Variants in TPTE2 observed in about 807,000 individuals in gnomAD.
TPTE2 encodes the protein transmembrane phosphoinositide 3-phosphatase and tensin homolog 2.
A neutral mutation model predicts 78.6 loss-of-function variants in TPTE2; 53 were observed. The ratio of observed to expected loss-of-function variants is 0.67; its 90% CI spans 0.54 to 0.85. The LOEUF is 0.85. Among genes scored for constraint, TPTE2 ranks in the 40% least tolerant of loss-of-function variants. The pLI, the probability that TPTE2 is intolerant of heterozygous loss-of-function variation, is 0.00. For missense variants in TPTE2, 461 were observed against 623.0 expected (o/e 0.74, Z 2.77); for synonymous variants, 175 against 206.2 (o/e 0.85, Z 1.30).
rs1254934382 is a variant in TPTE2 at position 19,453,012 on chromosome 13, GTTATT to G, written c.742-1792_742-1788del. Among the ~76,000 whole-genome samples, 36 of 76,584 alleles carry G rather than the reference GTTATT, an allele frequency of 4.7e-4. 1 individual carries two copies. The South Asian group carries it at 8.0e-3, about 17-fold the overall frequency. 50.2% of individuals were successfully genotyped at this position (76,584 alleles called of 152,430 possible). A position where few individuals can be genotyped will look rare whatever the true frequency, so the allele number is the denominator to read the frequency against. ...TTTATTTTATTTTATTTTATTTTATGTTATTTTATGTTATTTTATTTTATTTTATT... is the reference window on the plus strand; with the variant it reads ...TTTATTTTATTTTATTTTATTTTATGTTATGTTATTTTATTTTATTTTATT... On this transcript the variant is annotated intron_variant, in intron 10 of 19. Transcript: ENST00000400230.
chr13:19,433,980 A>G (rs1876875388), intron 15 of TPTE2, among the ~76,000 whole-genome samples: 1 of 152,208 alleles, frequency 6.6e-6, no homozygotes, highest in Non-Finnish European at 1.5e-5. Context: ...ACCTTTCCCT[A>G]AGGGCTGTAA....
intron 1 of TPTE2, among the ~76,000 whole-genome samples, chr13:19,508,431 G>A (rs1283887280): frequency 6.6e-6 from 1 of 152,024 alleles, no homozygotes; most frequent in Non-Finnish European, 1.5e-5. Context: ...AGGATAAGAG[G>A]ACACAAAGGA....
chr13:19,536,806 G>C (rs948518690), upstream of TPTE2: 4 of 151,462 alleles, frequency 2.6e-5, no homozygotes, highest in Admixed American at 2.6e-4. Context: ...AGGTTTTTTT[G>C]GGGGGGTATG....
intron 10 of TPTE2, among the ~76,000 whole-genome samples, chr13:19,453,764 T>C (rs2137537259): frequency 6.6e-6 from 1 of 152,218 alleles, no homozygotes. Context: ...CAGAATAAAG[T>C]GCATTCAATT....
chr13:19,442,659 C>T (rs1445943218), intron 13 of TPTE2, among the ~76,000 whole-genome samples: 1 of 150,740 alleles, frequency 6.6e-6, no homozygotes, highest in Admixed American at 6.6e-5. Context: ...TTGATAAATC[C>T]CTGGTGAGAC....
chr13:19,506,537 A>G (rs1156853249), upstream of TPTE2, among the ~76,000 whole-genome samples: 2 of 152,040 alleles, frequency 1.3e-5, no homozygotes, highest in South Asian at 2.1e-4. Flanking sequence ...CATCAACTCA[A>G]TTGGCTGTGG....
At chr13:19,488,270 G>A (rs568057570) in intron 3 of TPTE2, among the ~76,000 whole-genome samples, 3 of 152,258 alleles carry the variant, frequency 2.0e-5, no homozygotes, top group African/African-American at 4.8e-5. Flanking sequence ...TAGGATTTTC[G>A]GAATAGTCAA....
chr13:19,427,010 TTA>T (rs1876152598), intron 17 of TPTE2, among the ~76,000 whole-genome samples: 1 of 151,570 alleles, frequency 6.6e-6, no homozygotes, highest in African/African-American at 2.4e-5. Context: ...GGCCTGTTGT[TTA>T]TGTCTTTTAA....
chr13:19,512,572 G>A (rs1275098319), intron 1 of TPTE2, among the ~76,000 whole-genome samples: 1 of 117,266 alleles, frequency 8.5e-6, no homozygotes, highest in Non-Finnish European at 1.7e-5. Context: ...TAGATAATCT[G>A]CACAGGAAAC....
intron 6 of TPTE2, among the ~76,000 whole-genome samples, chr13:19,473,597 C>T (rs1016725910): frequency 5.4e-5 from 7 of 129,132 alleles, no homozygotes; most frequent in Admixed American, 8.4e-5. Context: ...TTTTAAAATG[C>T]TTTTTTTTTT....
the TPTE2 span, among the ~76,000 whole-genome samples, chr13:19,546,163 A>T: frequency 3.3e-5 from 5 of 152,194 alleles, no homozygotes; most frequent in South Asian, 6.2e-4. Flanking sequence ...ACACCACTGC[A>T]CTCCAGCCTG....
chr13:19,442,635 A>G (rs963701109), intron 13 of TPTE2, among the ~76,000 whole-genome samples: 1 of 152,082 alleles, frequency 6.6e-6, no homozygotes, highest in Non-Finnish European at 1.5e-5. Flanking sequence ...GGTTCTTTTA[A>G]AAGACTAGTA....
intron 10 of TPTE2, among the ~76,000 whole-genome samples, chr13:19,459,530 TG>T (rs1566049217): frequency 6.6e-6 from 1 of 152,106 alleles, no homozygotes; most frequent in Non-Finnish European, 1.5e-5. Context: ...TGTGCTGCAT[TG>T]TGGGGGATCC....
intron 15 of TPTE2, among the ~76,000 whole-genome samples, chr13:19,433,510 A>AAAAAC (rs1253390169): frequency 6.6e-6 from 1 of 152,194 alleles, no homozygotes; most frequent in African/African-American, 2.4e-5. Context: ...CTCAAAAATT[A>AAAAAC]AAAACAAAAC....
At chr13:19,477,663 A>C (rs2137599531) in intron 4 of TPTE2, among the ~76,000 whole-genome samples, 1 of 152,342 alleles carries the variant, frequency 6.6e-6, no homozygotes, top group East Asian at 1.9e-4. Context: ...CACCATACAG[A>C]ACCAAGTCTG....
chr13:19,543,503 C>T, the TPTE2 span, among the ~76,000 whole-genome samples: 14 of 151,494 alleles, frequency 9.2e-5, no homozygotes, highest in Non-Finnish European at 1.8e-4. Context: ...ACTACAAGCA[C>T]CTGCCAGCCC....
intron 1 of TPTE2, among the ~76,000 whole-genome samples, chr13:19,520,207 A>C (rs533205547): frequency 8.4e-4 from 127 of 152,000 alleles, no homozygotes; most frequent in African/African-American, 2.9e-3. Context: ...CACTTTTTCC[A>C]TTCCAATCTA....
intron 11 of TPTE2, 93 bp downstream of exon 14, chr13:19,451,072 T>C (rs1423591168): frequency 1.2e-5 from 18 of 1,465,924 alleles, no homozygotes; most frequent in Non-Finnish European, 1.7e-5. Flanking sequence ...CAAATACTTA[T>C]GATTAAATGC....
At chr13:19,498,186 A>G (rs2137659095) in intron 1 of TPTE2, among the ~76,000 whole-genome samples, 1 of 152,328 alleles carries the variant, frequency 6.6e-6, no homozygotes, top group African/African-American at 2.4e-5. Context: ...TGTGCCTGAA[A>G]GTGATGGGGA....
Sources: gnomAD v4.1 joint callset for allele counts (sites outside exome capture counted in the v4.1 genomes callset) on GRCh38, gnomAD v4.1.1 for gene constraint, MANE v1.5 for transcripts, NCBI Gene and HGNC (gene_info 2026-07-23, HGNC 2026-07-21) for gene names.